Variants in INO80 observed in about 807,000 individuals in gnomAD.
The protein encoded by INO80 is INO80 complex ATPase subunit, also known as chromatin-remodeling ATPase INO80.
A neutral mutation model predicts 203.4 loss-of-function variants in INO80; 20 were observed. That is an observed-to-expected ratio of 0.10 (90% confidence interval 0.07 to 0.14). The LOEUF (loss-of-function observed/expected upper bound fraction) is 0.14. Ranked by LOEUF, INO80 falls within the 10% of genes least tolerant of loss-of-function variation. The pLI is 1.00. For synonymous variants in INO80, 726 were observed against 685.2 expected, an observed-to-expected ratio of 1.06 and a Z score of -0.93; for missense variants, 1,419 against 1,914.4, an observed-to-expected ratio of 0.74 and a Z score of 4.83.
intron 14 of INO80, among the ~76,000 whole-genome samples, chr15:41,063,495 C>G (rs551721670): frequency 9.9e-5 from 15 of 151,744 alleles, no homozygotes; most frequent in Non-Finnish European, 1.6e-4. Context: ...ACCTTAAGGT[C>G]GGGCACGGTG....
At chr15:41,056,547 G>T in intron 17 of INO80, 75 bp downstream of exon 17, 1 of 1,160,994 alleles carries the variant, frequency 8.6e-7, no homozygotes, top group Non-Finnish European at 1.3e-6. Context: ...AAGGGAATGG[G>T]TAAAGAATTC....
chr15:41,043,146 GAGA>G (rs1208341639), intron 24 of INO80, among the ~76,000 whole-genome samples: 3 of 152,172 alleles, frequency 2.0e-5, no homozygotes, highest in Non-Finnish European at 2.9e-5. Flanking sequence ...TCAGAAAACA[GAGA>G]AGAATACAAA....
chr15:41,067,657 C>A (rs1461889650), intron 14 of INO80, among the ~76,000 whole-genome samples: 2 of 152,104 alleles, frequency 1.3e-5, no homozygotes, highest in African/African-American at 4.8e-5. Context: ...GTGGGAAATC[C>A]CAGACAATTT....
intron 29 of INO80, among the ~76,000 whole-genome samples, chr15:40,990,723 G>A (rs906508028): frequency 6.6e-6 from 1 of 152,298 alleles, no homozygotes; most frequent in East Asian, 1.9e-4. Flanking sequence ...TTTCAAAGAG[G>A]ACATAAGAAC....
In INO80 at chr15:40,980,263, C is replaced by A. The variant is rs369169160; in HGVS notation, c.4631G>T (p.Arg1544Leu). Residue 1544 changes from arginine (R) to leucine (L), a missense_variant, in exon 36 of 36, where the codon CGG (arginine) becomes CTG (leucine). This residue lies in a region of INO80 where 112 missense variants were observed against 106.2 expected (regional missense o/e 1.05). Transcript: ENST00000648947. ...GGGGTTGGTGCCTTTGCCCTGTTTC[C>A]GGACCAGAGAGTCTGGGGCTAGGCT... ...TSSLAPDSLV[R>L]KQGKGTNPSG... The A allele has an allele frequency of 6.2e-7, 1 of 1,613,332 alleles. No homozygotes were observed. The highest frequency in any genetic ancestry group is 8.5e-7 in the Non-Finnish European group (1 of 1,180,030).
chr15:41,090,034 T>C (rs1441510477), intron 5 of INO80, among the ~76,000 whole-genome samples: 2 of 152,212 alleles, frequency 1.3e-5, no homozygotes, highest in African/African-American at 4.8e-5. Context: ...CAAATCTTCA[T>C]ACCATCATTA....
At chr15:41,091,573 T>C (rs948061706) in intron 5 of INO80, among the ~76,000 whole-genome samples, 1 of 151,824 alleles carries the variant, frequency 6.6e-6, no homozygotes, top group East Asian at 1.9e-4. Flanking sequence ...CCTGTGTCCA[T>C]GTGTTCTCAT....
At chr15:41,098,954 A>G (rs2045764516) in intron 1 of INO80, among the ~76,000 whole-genome samples, 1 of 152,084 alleles carries the variant, frequency 6.6e-6, no homozygotes, top group African/African-American at 2.4e-5. Flanking sequence ...CTAGAATAAT[A>G]AAAAAGACAG....
intron 35 of INO80, among the ~76,000 whole-genome samples, chr15:40,980,777 C>T (rs532681746): frequency 1.4e-4 from 21 of 152,334 alleles, no homozygotes; most frequent in African/African-American, 5.1e-4. Flanking sequence ...CTGTAACTTA[C>T]TAGGCACAAA....
At chr15:40,996,883 T>C (rs1315788355) in intron 29 of INO80, among the ~76,000 whole-genome samples, 5 of 152,242 alleles carry the variant, frequency 3.3e-5, no homozygotes, top group Non-Finnish European at 7.3e-5. Flanking sequence ...GATGGACTGA[T>C]TGTTTTTCCA....
At chr15:41,047,673 A>AT (rs1566927374) in intron 22 of INO80, among the ~76,000 whole-genome samples, 172 bp from the exon 23 acceptor site, 2 of 152,192 alleles carry the variant, frequency 1.3e-5, no homozygotes, top group Non-Finnish European at 2.9e-5. Context: ...ACAATAACAG[A>AT]TAAGAGAGGC....
intron 27 of INO80, chr15:41,011,834 T>C (rs1292791505): frequency 6.6e-6 from 1 of 152,226 alleles, no homozygotes; most frequent in Non-Finnish European, 1.5e-5. Context: ...GATAGATGAC[T>C]GAGCAAGTTA....
rs1181657409 is a variant in INO80, at chr15:41,046,198, TATAC to T, written c.2736-1127_2736-1124del. 7.1e-3 allele frequency among the ~76,000 whole-genome samples: 512 copies of T among 72,334 alleles called. 61 individuals carry two copies. Among genetic ancestry groups the T allele is most frequent in the African/African-American group, 0.012 (115 of 9,780 alleles). 47.5% of individuals were successfully genotyped at this position (72,334 alleles called of 152,430 possible). A position where few individuals can be genotyped will look rare whatever the true frequency, so the allele number is the denominator to read the frequency against. ...GTGTCTGTGTGTGTCTCTGTGTGCG[TATAC>T]ATACATATATATATATATATATATA... On this transcript the variant is annotated intron_variant, in intron 23 of 35. Coordinates refer to ENST00000648947, the MANE Select transcript of INO80 (RefSeq NM_017553.3).
At chr15:41,061,450 C>CA (rs980593225) in intron 14 of INO80, among the ~76,000 whole-genome samples, 7,736 of 66,952 alleles carry the variant, frequency 0.12, 316 homozygotes, top group South Asian at 0.24. Context: ...ACCAAAAATA[C>CA]AAAAAAAAAA....
intron 28 of INO80, among the ~76,000 whole-genome samples, chr15:41,002,516 A>G (rs1274718766): frequency 6.6e-6 from 1 of 152,200 alleles, no homozygotes; most frequent in Non-Finnish European, 1.5e-5. Context: ...GTAAGCCAGG[A>G]GAACGACTGC....
chr15:41,050,158 C>A, intron 19 of INO80, 56 bp from the exon 20 acceptor site: 2 of 1,295,440 alleles, frequency 1.5e-6, no homozygotes, highest in South Asian at 1.3e-5. Flanking sequence ...GAAAATTCAG[C>A]ATCAGCTTAA....
intron 28 of INO80, among the ~76,000 whole-genome samples, chr15:41,002,585 G>A (rs923223414): frequency 6.6e-6 from 1 of 151,880 alleles, no homozygotes; most frequent in African/African-American, 2.4e-5. Flanking sequence ...CTCTGGTTGG[G>A]GTCTATATTA....
intron 5 of INO80, among the ~76,000 whole-genome samples, chr15:41,091,139 G>A (rs557079332): frequency 6.6e-6 from 1 of 152,234 alleles, no homozygotes; most frequent in South Asian, 2.1e-4. Context: ...GGTCAGGCTG[G>A]TCTCGAACTC....
chr15:41,085,627 T>C (rs746496737), intron 6 of INO80, 44 bp from the exon 7 acceptor site: 6 of 1,524,582 alleles, frequency 3.9e-6, no homozygotes, highest in East Asian at 2.3e-5. Flanking sequence ...CCACAGGAGA[T>C]AGTCACAAAG....
Sources: gnomAD v4.1 joint callset for allele counts (sites outside exome capture counted in the v4.1 genomes callset) on GRCh38, gnomAD v4.1.1 for gene constraint, gnomAD v4.1.1 regional missense constraint, MANE v1.5 for transcripts, NCBI Gene and HGNC (gene_info 2026-07-23, HGNC 2026-07-21) for gene names.